WDPCP: variants seen among roughly 807,000 people sequenced by gnomAD.
WDPCP encodes the protein WD repeat-containing and planar cell polarity effector protein fritz homolog.
A neutral mutation model predicts 93.1 loss-of-function variants in WDPCP; 71 were observed. That is an observed-to-expected ratio of 0.76 (90% confidence interval 0.63 to 0.93). WDPCP has a LOEUF of 0.93. Ranked by LOEUF, WDPCP falls within the 40% of genes least tolerant of loss-of-function variation. WDPCP has a pLI of 0.00. For synonymous variants in WDPCP, 315 were observed against 315.0 expected (o/e 1.00, Z 0.00); for missense variants, 844 against 887.4 (o/e 0.95, Z 0.62).
At chr2:63,570,644 A>T (rs954528984) in intron 1 of WDPCP, among the ~76,000 whole-genome samples, 3 of 152,244 alleles carry the variant, frequency 2.0e-5, no homozygotes, top group African/African-American at 7.2e-5. Flanking sequence ...TGTATATATT[A>T]TATGTAGGAA....
intron 11 of WDPCP, among the ~76,000 whole-genome samples, chr2:63,378,933 T>C (rs1162199492): frequency 6.6e-6 from 1 of 152,292 alleles, no homozygotes; most frequent in East Asian, 1.9e-4. Context: ...AGAAATGTTC[T>C]TTAAAATAAT....
intron 12 of WDPCP, among the ~76,000 whole-genome samples, chr2:63,344,897 C>G (rs1007528783): frequency 1.3e-5 from 2 of 152,180 alleles, no homozygotes; most frequent in African/African-American, 4.8e-5. Flanking sequence ...ACACTGGGAA[C>G]TGGGGGTGAT....
intron 2 of WDPCP, among the ~76,000 whole-genome samples, chr2:63,653,215 C>CT (rs1710128446): frequency 6.6e-6 from 1 of 152,120 alleles, no homozygotes; most frequent in Non-Finnish European, 1.5e-5. Context: ...CCTTTTCAGA[C>CT]TTTGACTATC....
At chr2:63,514,689 A>C (rs1007461791) in intron 1 of WDPCP, among the ~76,000 whole-genome samples, 1 of 152,164 alleles carries the variant, frequency 6.6e-6, no homozygotes, top group Non-Finnish European at 1.5e-5. Context: ...ATAGACGTTA[A>C]ACACCTAAAT....
chr2:63,705,874 T>C (rs1399268169), intron 2 of WDPCP, among the ~76,000 whole-genome samples: 1 of 152,022 alleles, frequency 6.6e-6, no homozygotes, highest in Admixed American at 6.6e-5. Context: ...GTCTTGTTGA[T>C]CTGTCTAATG....
chr2:63,258,821 A>G (rs1010846927), intron 14 of WDPCP, among the ~76,000 whole-genome samples: 4 of 152,152 alleles, frequency 2.6e-5, no homozygotes, highest in Admixed American at 6.6e-5. Context: ...AAGGCTTCTG[A>G]TCTGTCTTCT....
intron 2 of WDPCP, chr2:63,751,578 C>CT (rs1669883845): frequency 4.6e-6 from 2 of 436,434 alleles, no homozygotes; most frequent in Non-Finnish European, 4.4e-6. Context: ...TTTATAGCAG[C>CT]TAGGCCCTGC....
intron 3 of WDPCP, among the ~76,000 whole-genome samples, chr2:63,602,347 GTTTTTTTTTTT>G (rs144884000): frequency 9.6e-6 from 1 of 104,004 alleles, no homozygotes; most frequent in African/African-American, 3.7e-5. Context: ...GTTGGTTGGG[GTTTTTTTTTTT>G]TTTTTTTTTT....
chr2:63,464,166 C>T (rs533188751), intron 6 of WDPCP, among the ~76,000 whole-genome samples: 23 of 152,052 alleles, frequency 1.5e-4, no homozygotes, highest in African/African-American at 5.1e-4. Context: ...AATTCAACAA[C>T]GAAAAAATCA....
intron 1 of WDPCP, among the ~76,000 whole-genome samples, chr2:63,547,549 G>A (rs962716075): frequency 1.2e-5 from 1 of 82,156 alleles, no homozygotes. Context: ...AGAAAATGTG[G>A]TATGTATACA....
chr2:63,462,259 C>A (rs978585074), intron 6 of WDPCP, among the ~76,000 whole-genome samples: 2 of 152,174 alleles, frequency 1.3e-5, no homozygotes. Flanking sequence ...GACAGAAAAC[C>A]AAACACTGCA....
At chr2:63,569,214 T>C (rs1707297122) in intron 1 of WDPCP, among the ~76,000 whole-genome samples, 1 of 152,100 alleles carries the variant, frequency 6.6e-6, no homozygotes. Context: ...ATGATCAAAA[T>C]GAAACCTTCT....
chr2:63,511,136 C>A (rs931133279), intron 1 of WDPCP, among the ~76,000 whole-genome samples: 2 of 152,140 alleles, frequency 1.3e-5, no homozygotes, highest in African/African-American at 2.4e-5. Flanking sequence ...TGAGCAAACC[C>A]CCATTCACAA....
At chr2:63,289,914 G>A (rs1684279391) in intron 13 of WDPCP, among the ~76,000 whole-genome samples, 2 of 151,330 alleles carry the variant, frequency 1.3e-5, no homozygotes, top group South Asian at 4.2e-4. Context: ...CTGTTTGCAG[G>A]ATATATATTT....
At chr2:63,215,454 G>A (rs56182084) in intron 14 of WDPCP, among the ~76,000 whole-genome samples, 3,510 of 152,256 alleles carry the variant, frequency 0.023, 146 homozygotes, top group African/African-American at 0.08. Flanking sequence ...AACAAGAAAT[G>A]GGGAAAGGAT....
At chr2:63,647,505 G>GA (rs1481022194) in intron 3 of WDPCP, among the ~76,000 whole-genome samples, 1 of 151,496 alleles carries the variant, frequency 6.6e-6, no homozygotes. Context: ...TATGCTGAGT[G>GA]AAAAAAAAGC....
chr2:63,493,267 AT>A (rs894418050), intron 1 of WDPCP, among the ~76,000 whole-genome samples: 65 of 152,224 alleles, frequency 4.3e-4, no homozygotes, highest in African/African-American at 1.5e-3. Flanking sequence ...GTATTTAAGC[AT>A]TTTTTTAAGT....
intron 2 of WDPCP, among the ~76,000 whole-genome samples, chr2:63,722,497 C>T (rs1669432973): frequency 1.3e-5 from 2 of 148,306 alleles, no homozygotes; most frequent in South Asian, 2.2e-4. Context: ...GCCCGGCAGC[C>T]GCCCCGTCTG....
intron 10 of WDPCP, 186 bp downstream of exon 10, chr2:63,403,862 T>C (rs1694338286): frequency 1.4e-6 from 1 of 732,244 alleles, no homozygotes; most frequent in East Asian, 2.8e-5. Flanking sequence ...AATTATTCAA[T>C]ATCTAGTGTT....
Sources: gnomAD v4.1 joint callset for allele counts (sites outside exome capture counted in the v4.1 genomes callset) on GRCh38, gnomAD v4.1.1 for gene constraint, MANE v1.5 for transcripts, NCBI Gene and HGNC (gene_info 2026-07-23, HGNC 2026-07-21) for gene names.